CEP97: variants seen among roughly 807,000 people sequenced by gnomAD.
The protein encoded by CEP97 is centrosomal protein of 97 kDa.
A neutral mutation model predicts 73.1 loss-of-function variants in CEP97; 43 were observed. That is an observed-to-expected ratio of 0.59 (90% CI 0.46 to 0.76). The LOEUF is 0.76. Ranked by LOEUF, CEP97 falls within the 30% of genes least tolerant of loss-of-function variation. The pLI, the probability that CEP97 is intolerant of heterozygous loss-of-function variation, is 0.00. For missense variants in CEP97, 939 were observed against 1,014.0 expected, an observed-to-expected ratio of 0.93 and a Z score of 1.00; for synonymous variants, 337 against 370.0, an observed-to-expected ratio of 0.91 and a Z score of 1.02.
chr3:101,735,391 G>T (rs190068476), intron 6 of CEP97, among the ~76,000 whole-genome samples: 10 of 152,104 alleles, frequency 6.6e-5, no homozygotes, highest in East Asian at 3.9e-4. Flanking sequence ...AGAAGTGTGT[G>T]GGGGGGTGGC....
intron 6 of CEP97, among the ~76,000 whole-genome samples, chr3:101,744,780 G>C (rs1423798607): frequency 6.6e-6 from 1 of 152,090 alleles, no homozygotes; most frequent in African/African-American, 2.4e-5. Context: ...TCGGTGTTTG[G>C]CCTGAGCAGT....
At chr3:101,756,144 T>C (rs1266170588) in intron 7 of CEP97, among the ~76,000 whole-genome samples, 1 of 151,838 alleles carries the variant, frequency 6.6e-6, no homozygotes, top group Non-Finnish European at 1.5e-5. Context: ...CATTGCAACC[T>C]CCATCTCCCA....
intron 6 of CEP97, among the ~76,000 whole-genome samples, chr3:101,740,801 C>T (rs144466645): frequency 6.6e-6 from 1 of 152,204 alleles, no homozygotes; most frequent in East Asian, 1.9e-4. Flanking sequence ...GTTGGTCAGA[C>T]TGGTCTTGAA....
In CEP97 at chr3:101,755,496, G is replaced by T. The variant is rs1311552418; in HGVS notation, c.795G>T (p.Gln265His). ...CATATCGGCCTGGCCAGCACATCCA[G>T]CTTGTCCAATATCTGGCTACAGTCT... ...GRAYRPGQHI[Q>H]LVQYLATVCP... The change falls in exon 7 of 11, where the codon CAG becomes CAT. Residue 265 changes from glutamine to histidine, a missense_variant. Coordinates refer to ENST00000341893, the MANE Select transcript of CEP97 (RefSeq NM_024548.4). The T allele has an allele frequency of 6.2e-7, 1 of 1,614,104 alleles. No homozygotes were observed. Among genetic ancestry groups the T allele is most frequent in the Non-Finnish European group, 8.5e-7 (1 of 1,179,992 alleles).
At chr3:101,752,470 G>C (rs1938862763) in intron 6 of CEP97, among the ~76,000 whole-genome samples, 2 of 152,166 alleles carry the variant, frequency 1.3e-5, no homozygotes, top group South Asian at 4.1e-4. Flanking sequence ...AGTTCTCCTG[G>C]ATAATATCTT....
At chr3:101,756,639 A>G (rs1464103448) in intron 7 of CEP97, among the ~76,000 whole-genome samples, 2 of 151,998 alleles carry the variant, frequency 1.3e-5, no homozygotes, top group African/African-American at 4.8e-5. Context: ...TGGCCTCCCA[A>G]AGTGCTGGGA....
At chr3:101,725,047 T>C (rs779828591) in intron 1 of CEP97, among the ~76,000 whole-genome samples, 4 of 152,232 alleles carry the variant, frequency 2.6e-5, no homozygotes, top group Non-Finnish European at 4.4e-5. Context: ...CTTTGAGTCA[T>C]GGGTGCCTAA....
At chr3:101,757,511 G>C in intron 8 of CEP97, 123 bp from the exon 9 acceptor site, 1 of 872,852 alleles carries the variant, frequency 1.1e-6, no homozygotes, top group Non-Finnish European at 1.7e-6. Flanking sequence ...CGGCATATTG[G>C]AAGAAGTCAC....
intron 6 of CEP97, among the ~76,000 whole-genome samples, chr3:101,752,841 T>A (rs572560280): frequency 6.6e-6 from 1 of 152,310 alleles, no homozygotes; most frequent in Admixed American, 6.5e-5. Flanking sequence ...TGGTTTCAAT[T>A]TCCTCCTGTA....
chr3:101,762,802 G>A (rs1162464816), intron 10 of CEP97, among the ~76,000 whole-genome samples: 1 of 152,178 alleles, frequency 6.6e-6, no homozygotes, highest in Middle Eastern at 3.2e-3. Flanking sequence ...CAGGAGGAAA[G>A]TGGCTTAACT....
chr3:101,738,984 TAAAG>T (rs1337095523), intron 6 of CEP97, among the ~76,000 whole-genome samples: 1 of 152,078 alleles, frequency 6.6e-6, no homozygotes, highest in African/African-American at 2.4e-5. Flanking sequence ...TAAAAAATGA[TAAAG>T]AGCATATCAC....
chr3:101,725,940 C>T (rs191561622), intron 1 of CEP97, among the ~76,000 whole-genome samples: 1 of 151,708 alleles, frequency 6.6e-6, no homozygotes, highest in Non-Finnish European at 1.5e-5. Flanking sequence ...GGTATTATCC[C>T]CACTTTACAG....
intron 6 of CEP97, among the ~76,000 whole-genome samples, chr3:101,750,886 G>T (rs906696604): frequency 2.6e-5 from 4 of 152,142 alleles, no homozygotes; most frequent in Admixed American, 6.5e-5. Flanking sequence ...TTAATTGTTT[G>T]AAGGGTTTTT....
rs1240977098 is a variant in CEP97 at position 101,749,541 on chromosome 3, C to G, written c.729-5889C>G. ...GGGTTGGCTGGGTCAAATGGTATTT[C>G]TAGTTCTAGATTCCTGAGGAATCGC... On this transcript the variant is annotated intron_variant, in intron 6 of 10. Transcript: ENST00000341893. Among the ~76,000 whole-genome samples the G allele has an allele frequency of 8.4e-5, 11 of 130,896 alleles. No homozygotes were observed. In the South Asian group the frequency reaches 1.7e-3, roughly 21 times the overall value. 85.9% of individuals were successfully genotyped at this position (130,896 alleles called of 152,430 possible). A position where few individuals can be genotyped will look rare whatever the true frequency, so the allele number is the denominator to read the frequency against.
Position 101,728,902 on chromosome 3 carries a change from C to T in CEP97, c.412C>T (p.Gln138Ter). Reference protein sequence around the residue: ...HLDLSDNNISQIGDLSKLVSL... With the variant: ...HLDLSDNNIS ...CGATTTATCAGACAATAATATATCCCAGATAGGTGATCTATCTAAATTGGT... is the reference window on the plus strand; with the variant it reads ...CGATTTATCAGACAATAATATATCCTAGATAGGTGATCTATCTAAATTGGT... The change falls in exon 4 of 11, where the codon CAG becomes TAG. Residue 138 changes from glutamine (Q) to a stop codon, truncating the protein, a stop_gained. Transcript: ENST00000341893. LOFTEE classifies it high-confidence loss of function. 6.3e-7 allele frequency: 1 copy of T among 1,598,098 alleles called. No homozygotes were observed. The highest frequency in any genetic ancestry group is 1.7e-4 in the Middle Eastern group (1 of 6,036).
chr3:101,724,632 A>G lies in CEP97; in HGVS notation c.-45A>G, dbSNP rs1937814912. On this transcript the variant is annotated 5_prime_UTR_variant, in exon 1 of 11. Coordinates refer to ENST00000341893, the MANE Select transcript of CEP97 (RefSeq NM_024548.4). ...CTCCTTCAGATTACAAGCTCCACAG[A>G]GCCGCGGGAGGACGGTTGCCTGGTA... 6 of 1,612,724 alleles carry G rather than the reference A, an allele frequency of 3.7e-6. No homozygotes were observed. The highest frequency in any genetic ancestry group is 4.2e-6 in the Non-Finnish European group (5 of 1,178,780).
chr3:101,729,197 T>G (rs1938010942), intron 4 of CEP97, among the ~76,000 whole-genome samples: 1 of 151,814 alleles, frequency 6.6e-6, no homozygotes, highest in Admixed American at 6.6e-5. Flanking sequence ...TACCAAAAAT[T>G]AGTGGGGCAT....
At position 101,767,115 on chromosome 3, in the gene CEP97, C is replaced by T. The variant is rs1939338132; in HGVS notation, c.*1564C>T. 6.6e-6 allele frequency: 1 copy of T among 152,114 alleles called. No homozygotes were observed. Among genetic ancestry groups the T allele is most frequent in the Admixed American group, 6.6e-5 (1 of 15,266 alleles). 9.4% of individuals were successfully genotyped at this position (152,114 alleles called of 1,614,324 possible). A position where few individuals can be genotyped will look rare whatever the true frequency, so the allele number is the denominator to read the frequency against. On this transcript the variant is annotated 3_prime_UTR_variant, in exon 11 of 11. Coordinates refer to ENST00000341893, the MANE Select transcript of CEP97 (RefSeq NM_024548.4). ...TCATGGTATTTGTTGATAGTCATAA[C>T]ATTTTTCCTGTATGGTAAGACGTAT...
rs762165917 is a variant in CEP97, at chr3:101,732,587, C to T, written c.661C>T (p.Pro221Ser). Reference protein sequence around the residue: ...TPSIPGFDYRPYIVSWCLNLR... With the variant: ...TPSIPGFDYRSYIVSWCLNLR... ...ATCCATCCCAGGATTTGACTATCGG[C>T]CGTACATCGTCAGCTGGTGCCTAAA... is the stretch of plus-strand genomic sequence containing the variant. The change falls in exon 6 of 11, where the codon CCG (proline) becomes TCG (serine). Residue 221 changes from proline (P) to serine (S), a missense_variant. Transcript: ENST00000341893. 6.2e-7 allele frequency: 1 copy of T among 1,614,034 alleles called. No individual in the cohort carries two copies. Among genetic ancestry groups the T allele is most frequent in the Non-Finnish European group, 8.5e-7 (1 of 1,179,916 alleles).
Sources: allele counts gnomAD v4.1 joint callset (sites outside exome capture counted in the v4.1 genomes callset), GRCh38; gene constraint gnomAD v4.1.1; transcripts MANE v1.5; gene names NCBI Gene and HGNC (gene_info 2026-07-23, HGNC 2026-07-21).